Variants in CREBRF observed in about 807,000 individuals in gnomAD.
The protein encoded by CREBRF is CREB3 regulatory factor.
Under a neutral mutation model 66.1 loss-of-function variants are expected in CREBRF, and 5 were observed. The observed-to-expected ratio is 0.08, with a 90% CI of 0.04 to 0.16. CREBRF has a LOEUF of 0.16. Ranked by LOEUF, CREBRF falls within the 10% of genes least tolerant of loss-of-function variation. The pLI is 1.00. For synonymous variants in CREBRF, 229 were observed against 264.4 expected (o/e 0.87, Z 1.30); for missense variants, 531 against 744.9 (o/e 0.71, Z 3.34).
Position 173,136,360 on chromosome 5 carries a change from G to T in CREBRF, c.*2615G>T, listed in dbSNP as rs1036397750. On this transcript the variant is annotated 3_prime_UTR_variant, in exon 9 of 9. Coordinates refer to ENST00000296953, the MANE Select transcript of CREBRF (RefSeq NM_153607.3). ...CTTTTTAATGTTGACACTTTATTTT[G>T]TACCTATTTATATATGTATGTATAT... The T allele has an allele frequency of 1.3e-5, 2 of 152,072 alleles. No homozygotes were observed. The highest frequency in any genetic ancestry group is 2.9e-5 in the Non-Finnish European group (2 of 67,862). The allele number at this position is 152,072 out of a possible 1,614,324, so 9.4% of individuals were successfully genotyped here.
chr5:173,068,048 A>G (rs1318632746), intron 1 of CREBRF: 3 of 382,710 alleles, frequency 7.8e-6, no homozygotes, highest in Non-Finnish European at 1.5e-5. Flanking sequence ...TAAAATGTAT[A>G]TCCTCCCAGT....
At chr5:173,123,325 T>C in intron 8 of CREBRF, 123 bp downstream of exon 8, 1 of 834,990 alleles carries the variant, frequency 1.2e-6, no homozygotes, top group Non-Finnish European at 1.8e-6. Flanking sequence ...GTAATTACTC[T>C]CCTTTATGAG....
intron 1 of CREBRF, among the ~76,000 whole-genome samples, chr5:173,078,563 C>CT (rs746897808): frequency 0.011 from 1,620 of 142,546 alleles, 12 homozygotes; most frequent in Non-Finnish European, 0.016. Context: ...TTTTCTTTTT[C>CT]TTTTTTTTTT....
In CREBRF at chr5:173,130,694, ATTTATTTTTATT is replaced by A. The variant is rs554616115; in HGVS notation, c.1805-2914_1805-2903del. Among the ~76,000 whole-genome samples, 115 of 151,720 alleles carry A rather than the reference ATTTATTTTTATT, an allele frequency of 7.6e-4. No individual in the cohort carries two copies. In the South Asian group the frequency reaches 0.011, roughly 14 times the overall value. ...GTGCGCCACCATGTCCAGCTAATTTATTTATTTTTATTTTTATTTTTATTTTTATTTTTGAAA... is the reference window on the plus strand; with the variant it reads ...GTGCGCCACCATGTCCAGCTAATTTATTTATTTTTATTTTTATTTTTGAAA... On this transcript the variant is annotated intron_variant, in intron 8 of 8. Transcript: ENST00000296953.
rs765850500 is a variant in CREBRF at position 173,112,416 on chromosome 5, A to T, written c.1681+37A>T. 3 of 1,346,564 alleles carry T rather than the reference A, an allele frequency of 2.2e-6. No individual in the cohort carries two copies. The East Asian group carries it at 7.2e-5, about 32-fold the overall frequency. The allele number at this position is 1,346,564 out of a possible 1,614,324, so 83.4% of individuals were successfully genotyped here. ...GTTTTAAGAAGTTGATTAACCACCT[A>T]TTGATTTGCTGACCACTCTCTCTTT... On this transcript the variant is annotated intron_variant, in intron 7 of 8. Coordinates refer to ENST00000296953, the MANE Select transcript of CREBRF (RefSeq NM_153607.3).
intron 1 of CREBRF, among the ~76,000 whole-genome samples, chr5:173,059,937 G>A (rs1036847332): frequency 1.3e-5 from 2 of 152,156 alleles, no homozygotes; most frequent in Admixed American, 1.3e-4. Context: ...GTGAAAGCAA[G>A]CTTTTATATA....
At chr5:173,105,258 C>CGTGTGTGT in intron 4 of CREBRF, among the ~76,000 whole-genome samples, 1 of 146,916 alleles carries the variant, frequency 6.8e-6, no homozygotes, top group African/African-American at 2.5e-5. Flanking sequence ...TGTGTGTGTA[C>CGTGTGTGT]ACACACAGCT....
At chr5:173,094,691 A>G (rs1758436357) in intron 4 of CREBRF, among the ~76,000 whole-genome samples, 1 of 152,072 alleles carries the variant, frequency 6.6e-6, no homozygotes, top group Non-Finnish European at 1.5e-5. Context: ...TCCTTATCAG[A>G]TGTATGGTTT....
At chr5:173,067,189 AT>A (rs1270558641) in intron 1 of CREBRF, among the ~76,000 whole-genome samples, 1 of 152,186 alleles carries the variant, frequency 6.6e-6, no homozygotes, top group Non-Finnish European at 1.5e-5. Flanking sequence ...GTGGGTAGAC[AT>A]TTGCATTGCT....
intron 1 of CREBRF, among the ~76,000 whole-genome samples, chr5:173,061,528 A>G (rs181507568): frequency 5.6e-4 from 85 of 152,330 alleles, no homozygotes; most frequent in African/African-American, 1.9e-3. Flanking sequence ...CTTTGGCCCT[A>G]AGATATATTC....
intron 1 of CREBRF, among the ~76,000 whole-genome samples, chr5:173,079,591 C>T (rs926727532): frequency 1.3e-5 from 2 of 152,012 alleles, no homozygotes; most frequent in Non-Finnish European, 2.9e-5. Flanking sequence ...AGAAGTGACA[C>T]TGCTTCTGGA....
rs1759638534 is a variant in CREBRF, at chr5:173,138,518, A to T, written c.*4773A>T. The T allele has an allele frequency of 6.6e-6, 1 of 152,152 alleles. No homozygotes were observed. 9.4% of individuals were successfully genotyped at this position (152,152 alleles called of 1,614,324 possible). A position where few individuals can be genotyped will look rare whatever the true frequency, so the allele number is the denominator to read the frequency against. On this transcript the variant is annotated 3_prime_UTR_variant, in exon 9 of 9. Coordinates refer to ENST00000296953, the MANE Select transcript of CREBRF (RefSeq NM_153607.3). The stretch of plus-strand genomic sequence containing the variant: ...GGGACAGAGCCTTAAAACTACTTCC[A>T]AACAGTATTTTGGAATTGAAGACTT...
chr5:173,105,934 A>T (rs1417099501), intron 4 of CREBRF, among the ~76,000 whole-genome samples: 2 of 152,116 alleles, frequency 1.3e-5, no homozygotes, highest in African/African-American at 2.4e-5. Context: ...GCCTTTTTAA[A>T]GGCCATTTCT....
chr5:173,104,198 G>A (rs1380861571), intron 4 of CREBRF, among the ~76,000 whole-genome samples: 1 of 152,186 alleles, frequency 6.6e-6, no homozygotes, highest in Non-Finnish European at 1.5e-5. Context: ...TGGCAAGAGA[G>A]ATATGCAGGA....
chr5:173,075,180 A>G (rs951074385), intron 1 of CREBRF, among the ~76,000 whole-genome samples: 3 of 152,186 alleles, frequency 2.0e-5, no homozygotes, highest in African/African-American at 7.2e-5. Context: ...AATAATGGGC[A>G]TGTTTTGCTA....
At chr5:173,106,121 G>A (rs542317297) in intron 4 of CREBRF, among the ~76,000 whole-genome samples, 1 of 152,038 alleles carries the variant, frequency 6.6e-6, no homozygotes, top group East Asian at 1.9e-4. Flanking sequence ...CTCAACTTGT[G>A]CATCATTTTT....
intron 1 of CREBRF, chr5:173,060,234 T>A (rs1757227303): frequency 7.9e-6 from 1 of 127,372 alleles, no homozygotes; most frequent in Non-Finnish European, 1.8e-5. Context: ...TATATATATG[T>A]TTTTTTTTTT....
intron 5 of CREBRF, 33 bp downstream of exon 5, chr5:173,108,851 C>T (rs961210085): frequency 6.3e-7 from 1 of 1,577,658 alleles, no homozygotes; most frequent in Non-Finnish European, 8.7e-7. Context: ...TATTTAGTGT[C>T]ACTTTAATCA....
chr5:173,132,845 G>C (rs556596931), intron 8 of CREBRF, among the ~76,000 whole-genome samples: 1 of 150,520 alleles, frequency 6.6e-6, no homozygotes, highest in Non-Finnish European at 1.5e-5. Context: ...GTGATCTGCC[G>C]ACCTCAGGTG....
Sources: allele counts gnomAD v4.1 joint callset (sites outside exome capture counted in the v4.1 genomes callset), GRCh38; gene constraint gnomAD v4.1.1; transcripts MANE v1.5; gene names NCBI Gene and HGNC (gene_info 2026-07-23, HGNC 2026-07-21).